Variants in KANK1 observed in about 807,000 individuals in gnomAD.
KANK1 encodes KN motif and ankyrin repeat domain-containing protein 1.
In KANK1, 109 loss-of-function variants were observed where a neutral mutation model predicts 106.2. The ratio of observed to expected loss-of-function variants is 1.03; its 90% confidence interval spans 0.88 to 1.20. The LOEUF is 1.20. KANK1 is among the 50% of genes most tolerant of loss of function. The pLI is 0.00. For synonymous variants in KANK1, 873 were observed against 652.2 expected, an observed-to-expected ratio of 1.34 and a Z score of -5.16; for missense variants, 2,399 against 1,710.7, an observed-to-expected ratio of 1.40 and a Z score of -7.10.
chr9:670,763 G>T (rs1195503713), intron 1 of KANK1, among the ~76,000 whole-genome samples: 1 of 152,082 alleles, frequency 6.6e-6, no homozygotes, highest in Non-Finnish European at 1.5e-5. Flanking sequence ...CTTCTCATGG[G>T]TTGAGGCATG....
At chr9:702,001 A>C (rs1822798779) in intron 2 of KANK1, among the ~76,000 whole-genome samples, 1 of 152,194 alleles carries the variant, frequency 6.6e-6, no homozygotes, top group South Asian at 2.1e-4. Flanking sequence ...CAGAGCACTA[A>C]GTTTTATAGG....
intron 11 of KANK1, 83 bp from the exon 12 acceptor site, chr9:745,090 G>A (rs1836841789): frequency 1.3e-6 from 2 of 1,556,158 alleles, no homozygotes; most frequent in South Asian, 2.5e-5. Context: ...TGCCTGTGGT[G>A]GGCCAAGATC....
In KANK1 at chr9:712,097, T is replaced by C. The variant is rs1439230700; in HGVS notation, c.1331T>C (p.Met444Thr). The C allele has an allele frequency of 1.9e-6, 3 of 1,614,120 alleles. No individual in the cohort carries two copies. The highest frequency in any genetic ancestry group is 2.5e-6 in the Non-Finnish European group (3 of 1,180,042). ...TGTGGGGTCAGCGTGACAGAGGCCATGCTTGGAGTGATGACTGAAGCTGAC... is the reference window on the plus strand; with the variant it reads ...TGTGGGGTCAGCGTGACAGAGGCCACGCTTGGAGTGATGACTGAAGCTGAC... ...RNCGVSVTEA[M>T]LGVMTEADKE... The change falls in exon 3 of 12, where the codon ATG becomes ACG. Residue 444 changes from methionine to threonine, a missense_variant. Transcript: ENST00000382297.
intron 1 of KANK1, among the ~76,000 whole-genome samples, chr9:564,757 C>G (rs1349855045): frequency 6.6e-6 from 1 of 152,220 alleles, no homozygotes; most frequent in Non-Finnish European, 1.5e-5. Flanking sequence ...ACTGCTTATT[C>G]TCTGTGCTTC....
chr9:560,619 T>C (rs954643320), intron 1 of KANK1, among the ~76,000 whole-genome samples: 2 of 152,252 alleles, frequency 1.3e-5, no homozygotes, highest in Non-Finnish European at 1.5e-5. Flanking sequence ...TTTAAAATAC[T>C]TTAAATTATC....
chr9:642,198 T>C lies in KANK1; in HGVS notation c.-83-34692T>C, dbSNP rs564782665. On this transcript the variant is annotated intron_variant, in intron 1 of 11. Coordinates refer to ENST00000382297, the MANE Select transcript of KANK1 (RefSeq NM_015158.5). ...TGGGCTTTTTAACCTCTTTCCTCAT[T>C]GTGCTTCCTGACTTGTTACCTCTGT... is the stretch of plus-strand genomic sequence containing the variant. 2.0e-5 allele frequency among the ~76,000 whole-genome samples: 3 copies of C among 151,542 alleles called. No homozygotes were observed. The South Asian group carries it at 6.2e-4, about 31-fold the overall frequency.
intron 1 of KANK1, among the ~76,000 whole-genome samples, chr9:662,041 G>A (rs543595760): frequency 6.6e-5 from 10 of 152,180 alleles, no homozygotes; most frequent in African/African-American, 1.9e-4. Flanking sequence ...TGTCAGATGG[G>A]TAGAAGCCAA....
At position 544,241 on chromosome 9, in the gene KANK1, G is replaced by A. The variant is rs928541781; in HGVS notation, c.-84+39487G>A. ...TTGCCATGTTGCCCAGACTGGTCTC[G>A]AACTCCTGGAATCAAGCAAGCCACC... On this transcript the variant is annotated intron_variant, in intron 1 of 11. Coordinates refer to ENST00000382297, the MANE Select transcript of KANK1 (RefSeq NM_015158.5). Among the ~76,000 whole-genome samples, 4 of 151,720 alleles carry A rather than the reference G, an allele frequency of 2.6e-5. 1 individual carries two copies. The South Asian group carries it at 8.3e-4, about 32-fold the overall frequency.
chr9:624,740 A>C (rs188947709), intron 1 of KANK1, among the ~76,000 whole-genome samples: 4 of 152,154 alleles, frequency 2.6e-5, no homozygotes, highest in Admixed American at 1.3e-4. Flanking sequence ...TGGAGGGTGC[A>C]GTGAGCTAAG....
chr9:683,960 G>GATTTCA (rs1416914172), intron 2 of KANK1, among the ~76,000 whole-genome samples: 1 of 152,138 alleles, frequency 6.6e-6, no homozygotes, highest in Non-Finnish European at 1.5e-5. Flanking sequence ...CTACTTCTTA[G>GATTTCA]ATTTCAATTT....
intron 2 of KANK1, among the ~76,000 whole-genome samples, chr9:686,389 G>A (rs1257515078): frequency 6.6e-6 from 1 of 152,150 alleles, no homozygotes; most frequent in African/African-American, 2.4e-5. Context: ...ACCTGGCAGA[G>A]GAGGCAGAAG....
At chr9:548,491 T>G (rs2061071851) in intron 1 of KANK1, among the ~76,000 whole-genome samples, 1 of 152,184 alleles carries the variant, frequency 6.6e-6, no homozygotes, top group Non-Finnish European at 1.5e-5. Context: ...ACTTTAACGC[T>G]AAATAGCAGG....
chr9:532,316 A>G (rs1203586134), intron 1 of KANK1, among the ~76,000 whole-genome samples: 1 of 127,576 alleles, frequency 7.8e-6, no homozygotes, highest in African/African-American at 3.1e-5. Context: ...ATCTCGGCTC[A>G]CCGCAACCTC....
chr9:680,462 A>T (rs1210249979), intron 2 of KANK1, among the ~76,000 whole-genome samples: 2 of 152,226 alleles, frequency 1.3e-5, no homozygotes, highest in Non-Finnish European at 2.9e-5. Flanking sequence ...TGTAAAATGT[A>T]TTATGCCACA....
intron 1 of KANK1, among the ~76,000 whole-genome samples, chr9:667,655 T>C (rs928957352): frequency 2.0e-5 from 3 of 152,124 alleles, no homozygotes; most frequent in Admixed American, 1.3e-4. Context: ...AATTTTTAAA[T>C]GTTCTTATTT....
intron 1 of KANK1, among the ~76,000 whole-genome samples, chr9:511,105 C>T (rs1051903217): frequency 1.3e-5 from 2 of 152,054 alleles, no homozygotes; most frequent in African/African-American, 4.8e-5. Flanking sequence ...AAAAGGTTCA[C>T]TCTGGAAAGG....
chr9:691,671 T>C (rs1819965482), intron 2 of KANK1, among the ~76,000 whole-genome samples: 1 of 145,168 alleles, frequency 6.9e-6, no homozygotes, highest in Non-Finnish European at 1.5e-5. Flanking sequence ...TGGAGTACAG[T>C]AGCATGATCA....
intron 1 of KANK1, among the ~76,000 whole-genome samples, chr9:646,390 G>C (rs1839676469): frequency 6.6e-6 from 1 of 150,768 alleles, no homozygotes; most frequent in Non-Finnish European, 1.5e-5. Flanking sequence ...TAAAAATGTA[G>C]GTTATGTTTC....
chr9:603,040 G>A (rs1828173486), intron 1 of KANK1, among the ~76,000 whole-genome samples: 1 of 151,746 alleles, frequency 6.6e-6, no homozygotes, highest in Non-Finnish European at 1.5e-5. Flanking sequence ...GAGCTCATTT[G>A]TGGGCCTTAC....
Sources: allele counts gnomAD v4.1 joint callset (sites outside exome capture counted in the v4.1 genomes callset), GRCh38; gene constraint gnomAD v4.1.1; transcripts MANE v1.5; gene names NCBI Gene and HGNC (gene_info 2026-07-23, HGNC 2026-07-21).